The following GGCT variants were observed in gnomAD, a reference collection of about 807,000 sequenced individuals.
The protein encoded by GGCT is cytochrome c-releasing factor 21.
In GGCT, 20 loss-of-function variants were observed where a neutral mutation model predicts 22.1. The ratio of observed to expected loss-of-function variants is 0.91; its 90% CI spans 0.64 to 1.32. The LOEUF (loss-of-function observed/expected upper bound fraction) is 1.32, where lower values mean the gene tolerates loss of function less well. Ranked by LOEUF, GGCT falls within the 40% of genes most tolerant of loss-of-function variation. The pLI is 0.00. For missense variants in GGCT, 209 were observed against 223.5 expected, an observed-to-expected ratio of 0.94 and a Z score of 0.41; for synonymous variants, 72 against 78.4, an observed-to-expected ratio of 0.92 and a Z score of 0.43.
At chr7:30,503,634 G>A (rs1327094851) in intron 1 of GGCT, among the ~76,000 whole-genome samples, 1 of 152,036 alleles carries the variant, frequency 6.6e-6, no homozygotes, top group Non-Finnish European at 1.5e-5. Flanking sequence ...GCAGTGGCGT[G>A]GAAGAGGCTC....
intron 1 of GGCT, among the ~76,000 whole-genome samples, chr7:30,501,856 T>A (rs2128124153): frequency 6.6e-6 from 1 of 152,356 alleles, no homozygotes; most frequent in Non-Finnish European, 1.5e-5. Flanking sequence ...GTGGTTGGAG[T>A]GACCAGTACC....
intron 1 of GGCT, among the ~76,000 whole-genome samples, chr7:30,503,091 TG>T (rs377379464): frequency 1.6e-4 from 24 of 152,210 alleles, no homozygotes; most frequent in African/African-American, 5.5e-4. Context: ...TTCCCTGTTT[TG>T]TGTGCTCCCC....
At position 30,496,924 on chromosome 7, in the gene GGCT, C is replaced by T. The variant is rs2128123129; in HGVS notation, c.*168G>A. On this transcript the variant is annotated 3_prime_UTR_variant, in exon 4 of 4. Transcript: ENST00000275428. Reference sequence around the variant, plus strand: ...CCTTTTAAATTGTCTAACTCCTATCCCAGTTTCTTTTTATAGTCTAAAAAC... The same window carrying T: ...CCTTTTAAATTGTCTAACTCCTATCTCAGTTTCTTTTTATAGTCTAAAAAC... 1 of 460,246 alleles carries T rather than the reference C, an allele frequency of 2.2e-6. No homozygotes were observed. The highest frequency in any genetic ancestry group is 3.5e-5 in the East Asian group (1 of 28,732). The allele number at this position is 460,246 out of a possible 1,614,324, so 28.5% of individuals were successfully genotyped here.
chr7:30,499,841 T>TC (rs1318476481), intron 2 of GGCT, among the ~76,000 whole-genome samples: 1 of 151,940 alleles, frequency 6.6e-6, no homozygotes, highest in African/African-American at 2.4e-5. Context: ...ATAGTTTGTT[T>TC]TTTTTTTCAA....
intron 2 of GGCT, among the ~76,000 whole-genome samples, chr7:30,499,268 G>A (rs929855061): frequency 2.0e-5 from 3 of 151,764 alleles, no homozygotes; most frequent in African/African-American, 7.3e-5. Flanking sequence ...TTAGCCGGGC[G>A]TGGTGGTGGG....
At chr7:30,498,659 T>C (rs1449153617) in intron 3 of GGCT, 144 bp downstream of exon 3, 1 of 705,756 alleles carries the variant, frequency 1.4e-6, no homozygotes, top group Non-Finnish European at 2.4e-6. Flanking sequence ...CTTCAGGTGA[T>C]CTGCCCGCCC....
chr7:30,497,626 G>T, intron 3 of GGCT: 1 of 516,958 alleles, frequency 1.9e-6, no homozygotes, highest in Non-Finnish European at 3.1e-6. Flanking sequence ...CTCTGAATTG[G>T]ACATGGGGGA....
chr7:30,498,006 C>CATATATATATATATATATAT lies in GGCT; in HGVS notation c.424-772_424-771insATATATATATATATATATAT, dbSNP rs576048451. On this transcript the variant is annotated intron_variant, in intron 3 of 3. Coordinates refer to ENST00000275428, the MANE Select transcript of GGCT (RefSeq NM_024051.4). The stretch of plus-strand genomic sequence containing the variant: ...TACGGGGAGAAAAACATTACAAAAG[C>CATATATATATATATATATAT]ATATATATATATATATAGATACACA... 1.5e-3 allele frequency: 295 copies of CATATATATATATATATATAT among 193,462 alleles called. 1 individual carries two copies. Among genetic ancestry groups the CATATATATATATATATATAT allele is most frequent in the Non-Finnish European group, 2.2e-3 (204 of 93,110 alleles). 12.0% of individuals were successfully genotyped at this position (193,462 alleles called of 1,614,324 possible).
chr7:30,497,171 A>T lies in GGCT; in HGVS notation c.488T>A (p.Ile163Lys), dbSNP rs913404919. 14 of 1,610,716 alleles carry T rather than the reference A, an allele frequency of 8.7e-6. No individual in the cohort carries two copies. The African/African-American group carries it at 1.9e-4, about 22-fold the overall frequency. The change falls in exon 4 of 4, where the codon ATA (isoleucine) becomes AAA (lysine). Residue 163 changes from isoleucine (I) to lysine (K), a missense_variant. Coordinates refer to ENST00000275428, the MANE Select transcript of GGCT (RefSeq NM_024051.4). ...PLEYQEKLKA[I>K]EPNDYTGKVS... ...CTTTCCTGTATAGTCATTTGGTTCT[A>T]TTGCTTTTAACTTCTCTTGATACTC...
intron 1 of GGCT, 26 bp from the exon 2 acceptor site, chr7:30,500,707 A>G: frequency 1.2e-6 from 2 of 1,600,218 alleles, no homozygotes. Context: ...AAGTGATATG[A>G]TCAATATCCA....
intron 1 of GGCT, among the ~76,000 whole-genome samples, chr7:30,502,365 C>T (rs1789724915): frequency 6.6e-6 from 1 of 152,166 alleles, no homozygotes; most frequent in African/African-American, 2.4e-5. Flanking sequence ...CACCCATGGT[C>T]TAGGCCATTT....
intron 2 of GGCT, among the ~76,000 whole-genome samples, chr7:30,499,228 T>C (rs1270831825): frequency 7.0e-6 from 1 of 142,614 alleles, no homozygotes; most frequent in Non-Finnish European, 1.5e-5. Flanking sequence ...GCCAACATGG[T>C]GAAACGCCAT....
At chr7:30,504,147 G>C (rs905980457) in intron 1 of GGCT, among the ~76,000 whole-genome samples, 6 of 152,214 alleles carry the variant, frequency 3.9e-5, no homozygotes, top group Non-Finnish European at 7.3e-5. Flanking sequence ...CTTAGATGAG[G>C]AGCGAAAGGC....
In GGCT at chr7:30,500,799, C is replaced by T. The variant is rs1338159840; in HGVS notation, c.142-118G>A. ...ATTAAAACAGTCAATAAACTGAGTT[C>T]CTTCTATGCATAAGAAGCTGTGGAA... On this transcript the variant is annotated intron_variant, in intron 1 of 3. Coordinates refer to ENST00000275428, the MANE Select transcript of GGCT (RefSeq NM_024051.4). 5.8e-6 allele frequency: 4 copies of T among 693,042 alleles called. No individual in the cohort carries two copies. The Admixed American group carries it at 8.5e-5, about 15-fold the overall frequency. 42.9% of individuals were successfully genotyped at this position (693,042 alleles called of 1,614,324 possible).
At chr7:30,500,866 C>T (rs40237) in intron 1 of GGCT, among the ~76,000 whole-genome samples, 185 bp from the exon 2 acceptor site, 101,341 of 152,082 alleles carry the variant, frequency 0.67, 34,100 homozygotes, top group Middle Eastern at 0.72. Context: ...CCAAGGATTA[C>T]GTTTTTTAAA....
At chr7:30,497,737 T>A in intron 3 of GGCT, 1 of 1,371,442 alleles carries the variant, frequency 7.3e-7, no homozygotes, top group South Asian at 1.9e-5. Flanking sequence ...AGGAACCAGA[T>A]TACCTATTAC....
chr7:30,503,218 TC>T (rs1435159897), intron 1 of GGCT, among the ~76,000 whole-genome samples: 1 of 152,190 alleles, frequency 6.6e-6, no homozygotes, highest in Non-Finnish European at 1.5e-5. Context: ...TTTGCATGCC[TC>T]CTTTTTAAGA....
chr7:30,497,208 C>G lies in GGCT; in HGVS notation c.451G>C (p.Gly151Arg), dbSNP rs1470066386. ...TTCTCTTGATACTCCAGCGGCAAAC[C>G]ATTTTCTTTTGCACCCATGCAAATA... ...KIICMGAKENGLPLEYQEKLK... is the reference protein window; with the variant it reads ...KIICMGAKENRLPLEYQEKLK... The change falls in exon 4 of 4, where the codon GGT becomes CGT. Residue 151 changes from glycine (G) to arginine (R), a missense_variant. Gly to Arg is a moderately radical substitution (Grantham distance 125). Transcript: ENST00000275428. 9 of 1,610,560 alleles carry G rather than the reference C, an allele frequency of 5.6e-6. No individual in the cohort carries two copies. Among genetic ancestry groups the G allele is most frequent in the Non-Finnish European group, 7.6e-6 (9 of 1,178,618 alleles).
rs1366246288 is a variant in GGCT, at chr7:30,496,982, G to C, written c.*110C>G. 1.5e-6 allele frequency: 1 copy of C among 646,014 alleles called. No individual in the cohort carries two copies. Among genetic ancestry groups the C allele is most frequent in the Non-Finnish European group, 2.6e-6 (1 of 392,068 alleles). 40.0% of individuals were successfully genotyped at this position (646,014 alleles called of 1,614,324 possible). On this transcript the variant is annotated 3_prime_UTR_variant, in exon 4 of 4. Transcript: ENST00000275428. Reference sequence around the variant, plus strand: ...CACCCAAGTAAGATACTCCTTCAGAGCACTGCTGAAAATGGATCAAACGTG... The same window carrying C: ...CACCCAAGTAAGATACTCCTTCAGACCACTGCTGAAAATGGATCAAACGTG...
Sources: allele counts gnomAD v4.1 joint callset (sites outside exome capture counted in the v4.1 genomes callset), GRCh38; gene constraint gnomAD v4.1.1; transcripts MANE v1.5; gene names NCBI Gene and HGNC (gene_info 2026-07-23, HGNC 2026-07-21).